Variants in FGF14 observed in about 807,000 individuals in gnomAD.
FGF14 encodes fibroblast growth factor 14.
A neutral mutation model predicts 25.5 loss-of-function variants in FGF14; 5 were observed. That is an observed-to-expected ratio of 0.20 (90% CI 0.10 to 0.41). FGF14 has a LOEUF of 0.41. FGF14 is among the 10% of genes least tolerant of loss of function. The pLI is 1.00. For missense variants in FGF14, 222 were observed against 320.1 expected, an observed-to-expected ratio of 0.69 and a Z score of 2.34; for synonymous variants, 138 against 118.3, an observed-to-expected ratio of 1.17 and a Z score of -1.08.
intron 4 of FGF14, among the ~76,000 whole-genome samples, chr13:101,724,268 C>A (rs1465217287): frequency 6.6e-6 from 1 of 151,912 alleles, no homozygotes; most frequent in Admixed American, 6.6e-5. Context: ...GAATACTATG[C>A]AGCCATAAAA....
intron 1 of FGF14, among the ~76,000 whole-genome samples, chr13:102,029,751 T>C (rs2041117348): frequency 6.6e-6 from 1 of 152,118 alleles, no homozygotes; most frequent in African/African-American, 2.4e-5. Context: ...CTATACAGAA[T>C]GCAGTCCAAA....
chr13:102,103,401 G>A (rs959091917), intron 1 of FGF14, among the ~76,000 whole-genome samples: 3 of 151,924 alleles, frequency 2.0e-5, no homozygotes, highest in African/African-American at 7.3e-5. Context: ...TGAAACCAAG[G>A]CGATGGTACT....
At chr13:101,840,129 A>G (rs2043128695) in intron 3 of FGF14, among the ~76,000 whole-genome samples, 1 of 152,028 alleles carries the variant, frequency 6.6e-6, no homozygotes, top group Non-Finnish European at 1.5e-5. Context: ...ATTCCAATGT[A>G]AAGTGGACAC....
chr13:102,033,247 C>T (rs991361969), intron 1 of FGF14, among the ~76,000 whole-genome samples: 1 of 152,002 alleles, frequency 6.6e-6, no homozygotes, highest in African/African-American at 2.4e-5. Flanking sequence ...CATGGAAAAT[C>T]ATGGTGTGAC....
intron 1 of FGF14, among the ~76,000 whole-genome samples, chr13:102,368,590 T>C (rs2057783870): frequency 6.6e-6 from 1 of 152,196 alleles, no homozygotes; most frequent in South Asian, 2.1e-4. Flanking sequence ...ATAATTCCTG[T>C]GAAAATATCA....
At chr13:101,917,434 C>T (rs1258520360), upstream of FGF14, among the ~76,000 whole-genome samples, 1 of 152,040 alleles carries the variant, frequency 6.6e-6, no homozygotes, top group Non-Finnish European at 1.5e-5. Flanking sequence ...GAGGCCGAGC[C>T]AAAGCAGGTG....
intron 1 of FGF14, among the ~76,000 whole-genome samples, chr13:102,309,850 G>C (rs2055636625): frequency 6.6e-6 from 1 of 152,050 alleles, no homozygotes; most frequent in Non-Finnish European, 1.5e-5. Context: ...TCTTCATCCT[G>C]CATTTGCTTT....
chr13:102,120,678 C>T (rs478543), intron 1 of FGF14, among the ~76,000 whole-genome samples: 102,730 of 151,352 alleles, frequency 0.68, 36,346 homozygotes, highest in East Asian at 0.9. Flanking sequence ...CATAGCCTTG[C>T]GGCTCATCTA....
intron 3 of FGF14, among the ~76,000 whole-genome samples, chr13:101,857,843 T>C (rs4110590): frequency 0.3 from 45,495 of 151,748 alleles, 7,400 homozygotes; most frequent in South Asian, 0.38. Context: ...TAGCTTATAG[T>C]TTTAAAACTA....
intron 1 of FGF14, among the ~76,000 whole-genome samples, chr13:102,195,629 T>C (rs947116442): frequency 1.3e-5 from 2 of 151,684 alleles, no homozygotes; most frequent in African/African-American, 2.4e-5. Flanking sequence ...CTGGACAACA[T>C]GGTGAAACCC....
In FGF14 at chr13:102,237,187, T is replaced by A. The variant is rs1056833298; in HGVS notation, c.208+164284A>T. 6.6e-5 allele frequency among the ~76,000 whole-genome samples: 10 copies of A among 152,282 alleles called. 1 individual carries two copies. The highest frequency in any genetic ancestry group is 2.2e-4 in the African/African-American group (9 of 41,548). On this transcript the variant is annotated intron_variant, in intron 1 of 4. Coordinates refer to the FGF14 transcript ENST00000376131. ...TAGAGCGTTATCTCAACACTCCCAC[T>A]CACCTGAGACCTTCCCACACACATT...
chr13:102,305,452 A>G (rs965092163), intron 1 of FGF14, among the ~76,000 whole-genome samples: 3 of 152,214 alleles, frequency 2.0e-5, no homozygotes, highest in Non-Finnish European at 4.4e-5. Context: ...GATGCACAAT[A>G]CAGAAGCTTA....
chr13:101,836,106 G>T (rs1370161646), intron 3 of FGF14, among the ~76,000 whole-genome samples: 1 of 152,046 alleles, frequency 6.6e-6, no homozygotes, highest in African/African-American at 2.4e-5. Flanking sequence ...TGAGGTGACT[G>T]ACAGTAAGTC....
chr13:102,156,189 G>C lies in FGF14; in HGVS notation c.208+245282C>G, dbSNP rs578008033. Reference sequence around the variant, plus strand: ...CCAGCATCATCCTGATACCAAAGCCGGGCAGAGACACAACAAAAAAAAGAG... The same window carrying C: ...CCAGCATCATCCTGATACCAAAGCCCGGCAGAGACACAACAAAAAAAAGAG... On this transcript the variant is annotated intron_variant, in intron 1 of 4. Coordinates refer to the FGF14 transcript ENST00000376131. Among the ~76,000 whole-genome samples the C allele has an allele frequency of 4.6e-5, 7 of 151,970 alleles. No homozygotes were observed. The South Asian group carries it at 8.3e-4, about 18-fold the overall frequency.
intron 1 of FGF14, among the ~76,000 whole-genome samples, chr13:102,208,268 T>C (rs966080868): frequency 2.0e-5 from 3 of 152,200 alleles, no homozygotes; most frequent in South Asian, 2.1e-4. Flanking sequence ...TGGAGTGTGC[T>C]AAGACACACA....
chr13:102,378,633 A>ATC (rs140797016), intron 1 of FGF14, among the ~76,000 whole-genome samples: 9,935 of 141,370 alleles, frequency 0.07, 333 homozygotes, highest in East Asian at 0.08. Context: ...CTATCTATCT[A>ATC]TATATATATA....
intron 1 of FGF14, among the ~76,000 whole-genome samples, chr13:102,093,386 A>G (rs1370858356): frequency 6.6e-6 from 1 of 152,220 alleles, no homozygotes; most frequent in African/African-American, 2.4e-5. Context: ...ATAAAGATGC[A>G]GTATTAAATT....
At chr13:102,136,075 T>A (rs2140433888) in intron 1 of FGF14, among the ~76,000 whole-genome samples, 1 of 152,300 alleles carries the variant, frequency 6.6e-6, no homozygotes, top group African/African-American at 2.4e-5. Context: ...CAGTAATATA[T>A]CATATTGTGA....
intron 1 of FGF14, among the ~76,000 whole-genome samples, chr13:101,993,404 GAAGA>G (rs757962906): frequency 1.3e-5 from 2 of 152,018 alleles, no homozygotes; most frequent in African/African-American, 2.4e-5. Flanking sequence ...GGATTTAAAT[GAAGA>G]AAGAAAGAGC....
Sources: allele counts gnomAD v4.1 joint callset (sites outside exome capture counted in the v4.1 genomes callset), GRCh38; gene constraint gnomAD v4.1.1; transcripts MANE v1.5; gene names NCBI Gene and HGNC (gene_info 2026-07-23, HGNC 2026-07-21).